The following BRMS1L variants were observed in gnomAD, a reference collection of about 807,000 sequenced individuals.
BRMS1L encodes the protein BRMS1 like transcriptional repressor, also known as breast cancer metastasis-suppressor 1-like protein.
In BRMS1L, 23 loss-of-function variants were observed where a neutral mutation model predicts 50.3. The observed-to-expected ratio is 0.46, with a 90% CI of 0.33 to 0.65. The LOEUF is 0.65. Ranked by LOEUF, BRMS1L falls within the 30% of genes least tolerant of loss-of-function variation. The pLI, the probability that BRMS1L is intolerant of heterozygous loss-of-function variation, is 0.02. For missense variants in BRMS1L, 286 were observed against 386.1 expected (o/e 0.74, Z 2.17); for synonymous variants, 114 against 126.9 (o/e 0.90, Z 0.69).
intron 4 of BRMS1L, among the ~76,000 whole-genome samples, chr14:35,843,621 C>T (rs1335122524): frequency 1.3e-5 from 2 of 152,206 alleles, no homozygotes; most frequent in South Asian, 4.1e-4. Flanking sequence ...GTCTGTCCAC[C>T]CCGGCTGGGA....
intron 1 of BRMS1L, among the ~76,000 whole-genome samples, chr14:35,829,096 CACACCCGGCTAATTTTTGTGTTTTT>C: frequency 6.6e-6 from 1 of 152,034 alleles, no homozygotes; most frequent in East Asian, 1.9e-4. Context: ...CATCCTCCAA[CACACCCGGCTAATTTTTGTGTTTTT>C]AGTAGAGATG....
intron 9 of BRMS1L, among the ~76,000 whole-genome samples, chr14:35,869,028 TA>T (rs2078455934): frequency 6.6e-6 from 1 of 152,204 alleles, no homozygotes; most frequent in African/African-American, 2.4e-5. Flanking sequence ...GTGTCAGTGG[TA>T]AATAAAACAA....
chr14:35,850,046 C>T (rs1194359400), intron 4 of BRMS1L, among the ~76,000 whole-genome samples: 1 of 132,084 alleles, frequency 7.6e-6, no homozygotes, highest in Non-Finnish European at 1.5e-5. Context: ...TGGTCTTGAA[C>T]TCCGATCTCA....
Position 35,831,424 on chromosome 14 carries a change from G to A in BRMS1L, c.157G>A (p.Asp53Asn), listed in dbSNP as rs2077917038. The change falls in exon 2 of 10, where the codon GAC becomes AAC. Residue 53 changes from aspartate to asparagine, a missense_variant. By Grantham distance (23) the Asp-to-Asn change is conservative. This residue lies in a region of BRMS1L where 66 missense variants were observed against 67.8 expected (regional missense o/e 0.97). Transcript: ENST00000216807. ...TTTATTAACAGAAATGGATGATGAA[G>A]ACTGTGAAAGAAGAAGAATGGAATG... ...DGDSSEMDDE[D>N]CERRRMECLD... The A allele has an allele frequency of 1.9e-6, 3 of 1,612,786 alleles. No homozygotes were observed. The highest frequency in any genetic ancestry group is 2.5e-6 in the Non-Finnish European group (3 of 1,179,112).
chr14:35,834,985 G>A, intron 4 of BRMS1L, 62 bp downstream of exon 4: 2 of 1,309,190 alleles, frequency 1.5e-6, no homozygotes, highest in Non-Finnish European at 2.1e-6. Flanking sequence ...TCTGAGTGTA[G>A]TAGTTAAAAA....
rs185460530 is a variant in BRMS1L, at chr14:35,870,253, G to A, written c.855-107G>A. On this transcript the variant is annotated intron_variant, in intron 9 of 9. Transcript: ENST00000216807. ...TGGTAAATGACAATTATATACCTGAGTCTACTGTTGTAGGCCAGTTTATTT... is the reference window on the plus strand; with the variant it reads ...TGGTAAATGACAATTATATACCTGAATCTACTGTTGTAGGCCAGTTTATTT... The A allele has an allele frequency of 1.3e-4, 81 of 647,184 alleles. 1 individual carries two copies. The East Asian group carries it at 2.2e-3, about 17-fold the overall frequency. 40.1% of individuals were successfully genotyped at this position (647,184 alleles called of 1,614,324 possible). A position where few individuals can be genotyped will look rare whatever the true frequency, so the allele number is the denominator to read the frequency against.
intron 4 of BRMS1L, among the ~76,000 whole-genome samples, chr14:35,836,552 G>A (rs2077996594): frequency 6.6e-6 from 1 of 152,118 alleles, no homozygotes; most frequent in South Asian, 2.1e-4. Context: ...ATGTTGCCCA[G>A]GCTGGTCTCA....
At chr14:35,844,316 G>T (rs1211621479) in intron 4 of BRMS1L, among the ~76,000 whole-genome samples, 3 of 152,312 alleles carry the variant, frequency 2.0e-5, no homozygotes, top group Non-Finnish European at 4.4e-5. Flanking sequence ...CCCTGGTGAC[G>T]TAGGAACCCG....
intron 9 of BRMS1L, among the ~76,000 whole-genome samples, chr14:35,870,109 G>C (rs1173826378): frequency 2.0e-5 from 3 of 150,354 alleles, no homozygotes; most frequent in Non-Finnish European, 4.4e-5. Flanking sequence ...GGAAGAATGT[G>C]CTTTTAATAG....
chr14:35,835,966 A>G (rs1209175621), intron 4 of BRMS1L, among the ~76,000 whole-genome samples: 1 of 152,250 alleles, frequency 6.6e-6, no homozygotes, highest in African/African-American at 2.4e-5. Flanking sequence ...GACAAGTTCT[A>G]TAACGATTCT....
intron 4 of BRMS1L, among the ~76,000 whole-genome samples, chr14:35,839,593 T>C (rs1366055361): frequency 6.6e-6 from 1 of 152,206 alleles, no homozygotes; most frequent in Non-Finnish European, 1.5e-5. Context: ...TCACATCCCT[T>C]ACAAGTTAGA....
At chr14:35,844,635 C>T (rs1377505398) in intron 4 of BRMS1L, among the ~76,000 whole-genome samples, 1 of 152,170 alleles carries the variant, frequency 6.6e-6, no homozygotes, top group Non-Finnish European at 1.5e-5. Flanking sequence ...CCTATTTGGC[C>T]ATCTTGCCAG....
rs201510293 is a variant in BRMS1L, at chr14:35,868,064, C to A, written c.854+32C>A. On this transcript the variant is annotated intron_variant, in intron 9 of 9. Transcript: ENST00000216807. Reference sequence around the variant, plus strand: ...AAGCCTTTGTTATTTCAGTGTTGCTCAGTATTGTCATTTACAACATCGTTG... The same window carrying A: ...AAGCCTTTGTTATTTCAGTGTTGCTAAGTATTGTCATTTACAACATCGTTG... The A allele has an allele frequency of 1.9e-6, 3 of 1,559,714 alleles. No homozygotes were observed. In the East Asian group the frequency reaches 6.8e-5, roughly 35 times the overall value.
intron 4 of BRMS1L, among the ~76,000 whole-genome samples, chr14:35,836,378 C>T (rs1034419329): frequency 2.0e-5 from 3 of 152,098 alleles, no homozygotes; most frequent in Admixed American, 6.6e-5. Flanking sequence ...GTCACTCTGT[C>T]ACCCAGGCTG....
chr14:35,835,053 A>T (rs1292904488), intron 4 of BRMS1L, 130 bp downstream of exon 4: 6 of 181,532 alleles, frequency 3.3e-5, no homozygotes, highest in East Asian at 1.2e-4. Context: ...GTGTGTGATT[A>T]AAAAAAAAAA....
chr14:35,867,964 T>C lies in BRMS1L; in HGVS notation c.786T>C (p.Tyr262=). Reference sequence around the variant, plus strand: ...CTAGATCTGAAGAGGGAAGACTATATTATGATGGTGAATGGTATATACGTG... The same window carrying C: ...CTAGATCTGAAGAGGGAAGACTATACTATGATGGTGAATGGTATATACGTG... ...HSARSEEGRL[Y]YDGEWYIRGQ... Residue 262 remains tyrosine, a synonymous_variant, in exon 9 of 10, where the codon TAT becomes TAC. Transcript: ENST00000216807. The C allele has an allele frequency of 6.2e-7, 1 of 1,612,624 alleles. No individual in the cohort carries two copies. Among genetic ancestry groups the C allele is most frequent in the Non-Finnish European group, 8.5e-7 (1 of 1,179,424 alleles).
intron 8 of BRMS1L, among the ~76,000 whole-genome samples, chr14:35,866,584 AGTCTCAGCCT>A (rs1223121900): frequency 1.3e-5 from 2 of 152,156 alleles, no homozygotes; most frequent in African/African-American, 2.4e-5. Context: ...GTGTACTTGT[AGTCTCAGCCT>A]CTTGGGAGGC....
At position 35,826,620 on chromosome 14, in the gene BRMS1L, C is replaced by T; in HGVS notation, c.104C>T (p.Thr35Ile). ...GGGAGCAGCTCCGAGGACGAGGACA[C>T]TGAGAGCTCGTCGGTCTCCGAGGAT... The part of the protein sequence containing the change: ...NEGSSSEDED[T>I]ESSSVSEDGD... The change falls in exon 1 of 10, where the codon ACT (threonine) becomes ATT (isoleucine). Residue 35 changes from threonine (T) to isoleucine (I), a missense_variant. By Grantham distance (89) the Thr-to-Ile change is moderately conservative. Transcript: ENST00000216807. 3.7e-6 allele frequency: 6 copies of T among 1,612,632 alleles called. No individual in the cohort carries two copies. The highest frequency in any genetic ancestry group is 3.4e-6 in the Non-Finnish European group (4 of 1,179,602).
intron 4 of BRMS1L, among the ~76,000 whole-genome samples, chr14:35,856,640 C>G (rs1236695024): frequency 1.3e-5 from 2 of 151,352 alleles, no homozygotes; most frequent in Non-Finnish European, 2.9e-5. Flanking sequence ...GAGACAGAGT[C>G]TTGTTCTGTC....
Sources: allele counts gnomAD v4.1 joint callset (sites outside exome capture counted in the v4.1 genomes callset), GRCh38; gene constraint gnomAD v4.1.1; regional missense constraint gnomAD v4.1.1; transcripts MANE v1.5; gene names NCBI Gene and HGNC (gene_info 2026-07-23, HGNC 2026-07-21).